Variants in LAMA2 observed in about 807,000 individuals in gnomAD.
LAMA2 encodes the protein laminin subunit alpha 2.
Under a neutral mutation model 364.8 loss-of-function variants are expected in LAMA2, and 269 were observed. That is an observed-to-expected ratio of 0.74 (90% CI 0.67 to 0.82). The LOEUF is 0.82. LAMA2 is among the 40% of genes least tolerant of loss of function. The pLI, the probability that LAMA2 is intolerant of heterozygous loss-of-function variation, is 0.00. For synonymous variants in LAMA2, 1,379 were observed against 1,370.6 expected (o/e 1.01, Z -0.14); for missense variants, 3,807 against 3,873.2 (o/e 0.98, Z 0.45).
chr6:129,037,436 A>T (rs1260606946), intron 1 of LAMA2, among the ~76,000 whole-genome samples: 3 of 152,168 alleles, frequency 2.0e-5, no homozygotes, highest in East Asian at 3.8e-4. Flanking sequence ...CATTGACTGA[A>T]TGGCTTTTCC....
intron 15 of LAMA2, among the ~76,000 whole-genome samples, chr6:129,266,749 A>G (rs1787545333): frequency 1.3e-5 from 2 of 152,084 alleles, no homozygotes; most frequent in South Asian, 4.1e-4. Flanking sequence ...GAGTCCTTTT[A>G]TATCAGCTGC....
At chr6:129,304,010 G>A (rs1250763769) in intron 22 of LAMA2, among the ~76,000 whole-genome samples, 1 of 151,992 alleles carries the variant, frequency 6.6e-6, no homozygotes, top group African/African-American at 2.4e-5. Context: ...GAACCCAAAA[G>A]CTCACTATTT....
At chr6:128,926,165 T>C (rs1779079601) in intron 1 of LAMA2, among the ~76,000 whole-genome samples, 1 of 152,174 alleles carries the variant, frequency 6.6e-6, no homozygotes, top group Non-Finnish European at 1.5e-5. Context: ...TTTTATCACC[T>C]ACATGGGGAG....
intron 56 of LAMA2, chr6:129,490,979 C>T (rs1033318900): frequency 6.6e-6 from 1 of 152,030 alleles, no homozygotes; most frequent in Non-Finnish European, 1.5e-5. Context: ...TTGTTTTTTC[C>T]AGTTCTACAT....
At chr6:128,944,236 ACC>A (rs1780356594) in intron 1 of LAMA2, among the ~76,000 whole-genome samples, 2 of 152,176 alleles carry the variant, frequency 1.3e-5, no homozygotes, top group Non-Finnish European at 2.9e-5. Context: ...AAGGTACCCC[ACC>A]TAGATTAAAT....
chr6:129,459,332 T>C (rs1783129097), intron 48 of LAMA2, among the ~76,000 whole-genome samples: 1 of 152,112 alleles, frequency 6.6e-6, no homozygotes. Flanking sequence ...ACATTTGTAA[T>C]GTGTCAATGC....
chr6:129,190,071 A>C (rs1204487120), intron 10 of LAMA2, 134 bp from the exon 11 acceptor site: 10 of 880,712 alleles, frequency 1.1e-5, no homozygotes, highest in Non-Finnish European at 1.8e-5. Context: ...ATTTTTAAAA[A>C]TATCATTATA....
chr6:129,266,326 A>G (rs1278765311), intron 15 of LAMA2, among the ~76,000 whole-genome samples: 4 of 152,180 alleles, frequency 2.6e-5, no homozygotes, highest in Admixed American at 2.6e-4. Context: ...GCACTGACAC[A>G]GGGAATCTAA....
At chr6:129,115,649 CTG>C (rs1298350569) in intron 4 of LAMA2, among the ~76,000 whole-genome samples, 1 of 152,030 alleles carries the variant, frequency 6.6e-6, no homozygotes, top group African/African-American at 2.4e-5. Context: ...TGGTTGAGAT[CTG>C]TACAGAAGGA....
intron 34 of LAMA2, among the ~76,000 whole-genome samples, chr6:129,376,939 C>T (rs934009400): frequency 1.3e-5 from 2 of 152,138 alleles, no homozygotes; most frequent in African/African-American, 2.4e-5. Flanking sequence ...CAATATTGTA[C>T]ACATAATAGG....
intron 36 of LAMA2, 39 bp from the exon 37 acceptor site, chr6:129,393,006 T>G: frequency 2.6e-6 from 4 of 1,511,844 alleles, no homozygotes; most frequent in Non-Finnish European, 3.7e-6. Flanking sequence ...GGCAGTGACA[T>G]GAGCTCATTG....
In LAMA2 at chr6:129,320,636, A is replaced by G; in HGVS notation, c.4157A>G (p.Tyr1386Cys). The G allele has an allele frequency of 6.2e-7, 1 of 1,609,980 alleles. No homozygotes were observed. ...LIEKCDCPLG[Y>C]SGLSCEACLP... Reference sequence around the variant, plus strand: ...GAAAAATGTGATTGTCCCCTGGGCTATTCTGGCCTGTCCTGTGAGGTAAGC... The same window carrying G: ...GAAAAATGTGATTGTCCCCTGGGCTGTTCTGGCCTGTCCTGTGAGGTAAGC... Residue 1386 changes from tyrosine (Y) to cysteine (C), a missense_variant, in exon 28 of 65, where the codon TAT (tyrosine) becomes TGT (cysteine). By Grantham distance (194) the Tyr-to-Cys change is radical. This residue lies in a region of LAMA2 where 3,333 missense variants were observed against 3,345.7 expected (regional missense o/e 1.00). Transcript: ENST00000421865.
In LAMA2 at chr6:129,091,083, G is replaced by GA. The variant is rs201277327; in HGVS notation, c.397-7082dup. On this transcript the variant is annotated intron_variant, in intron 3 of 64. Transcript: ENST00000421865. ...TATAATCAAGTCGTTCAGCACTAAG[G>GA]AAAAAAAATAACATTTTCATGAAAA... 9.9e-3 allele frequency among the ~76,000 whole-genome samples: 1,494 copies of GA among 151,248 alleles called. 24 individuals carry two copies. The highest frequency in any genetic ancestry group is 0.035 in the African/African-American group (1,429 of 41,260).
At position 129,030,222 on chromosome 6, in the gene LAMA2, AT is replaced by A. The variant is rs143014587; in HGVS notation, c.113-19688del. Among the ~76,000 whole-genome samples the A allele has an allele frequency of 5.6e-4, 85 of 151,926 alleles. 1 individual carries two copies. The highest frequency in any genetic ancestry group is 1.6e-3 in the African/African-American group (67 of 41,478). On this transcript the variant is annotated intron_variant, in intron 1 of 64. Coordinates refer to ENST00000421865, the MANE Select transcript of LAMA2 (RefSeq NM_000426.4). ...TTATTGTCAACCCCTTACTTTGATT[AT>A]TTTTTTTAATTTAATGTTTCCAATG...
At chr6:129,313,353 G>A (rs1284375069) in intron 23 of LAMA2, among the ~76,000 whole-genome samples, 1 of 152,066 alleles carries the variant, frequency 6.6e-6, no homozygotes, top group African/African-American at 2.4e-5. Flanking sequence ...ATTTTCAATG[G>A]TATAGTGATT....
intron 12 of LAMA2, among the ~76,000 whole-genome samples, chr6:129,197,694 C>A (rs972990666): frequency 6.6e-6 from 1 of 152,114 alleles, no homozygotes; most frequent in Non-Finnish European, 1.5e-5. Context: ...TTGATTGAGA[C>A]CTGTTTCTGA....
intron 52 of LAMA2, among the ~76,000 whole-genome samples, chr6:129,474,372 T>C (rs1783964708): frequency 6.6e-6 from 1 of 152,160 alleles, no homozygotes; most frequent in Admixed American, 6.6e-5. Context: ...AATTATCTGA[T>C]GAGCTTCATG....
chr6:129,068,096 C>T (rs1357720182), intron 3 of LAMA2, among the ~76,000 whole-genome samples: 2 of 152,078 alleles, frequency 1.3e-5, no homozygotes, highest in African/African-American at 4.8e-5. Flanking sequence ...TAGAATAGTG[C>T]ACAACATATA....
At chr6:129,044,278 A>G (rs1787312749) in intron 1 of LAMA2, among the ~76,000 whole-genome samples, 1 of 152,100 alleles carries the variant, frequency 6.6e-6, no homozygotes, top group Non-Finnish European at 1.5e-5. Context: ...AAGCTACTTC[A>G]CAATTATTAA....
Sources: allele counts gnomAD v4.1 joint callset (sites outside exome capture counted in the v4.1 genomes callset), GRCh38; gene constraint gnomAD v4.1.1; regional missense constraint gnomAD v4.1.1; transcripts MANE v1.5; gene names NCBI Gene and HGNC (gene_info 2026-07-23, HGNC 2026-07-21).